The following LMX1A variants were observed in gnomAD, a reference collection of about 807,000 sequenced individuals.
LMX1A encodes the protein LIM homeobox transcription factor 1 alpha, also known as LIM homeobox transcription factor 1-alpha.
LMX1A carries 15 observed loss-of-function variants against 49.1 expected under a neutral mutation model. That is an observed-to-expected ratio of 0.31 (90% confidence interval 0.20 to 0.47). LMX1A has a LOEUF of 0.47. Ranked by LOEUF, LMX1A falls within the 20% of genes least tolerant of loss-of-function variation. The pLI is 1.00. For synonymous variants in LMX1A, 167 were observed against 185.7 expected (o/e 0.90, Z 0.82); for missense variants, 372 against 475.8 (o/e 0.78, Z 2.03).
chr1:165,240,929 T>C (rs1032257464), intron 4 of LMX1A, among the ~76,000 whole-genome samples: 2 of 152,188 alleles, frequency 1.3e-5, no homozygotes, highest in Non-Finnish European at 2.9e-5. Flanking sequence ...TTAAAATAGC[T>C]CAAATAATGA....
chr1:165,247,045 C>G (rs1652873352), intron 4 of LMX1A, among the ~76,000 whole-genome samples: 1 of 38,010 alleles, frequency 2.6e-5, no homozygotes, highest in Non-Finnish European at 4.8e-5. Flanking sequence ...TAGATCAGAT[C>G]AGCTTTTTCT....
chr1:165,301,484 C>T lies in LMX1A; in HGVS notation c.263+51592G>A, dbSNP rs554022268. 2.0e-5 allele frequency among the ~76,000 whole-genome samples: 3 copies of T among 152,316 alleles called. No individual in the cohort carries two copies. In the South Asian group the frequency reaches 6.2e-4, roughly 32 times the overall value. ...ACAGAGGACAAGGAGCTGGGAAATG[C>T]ACTGCATCATACCAAGCTAACATTC... is the stretch of plus-strand genomic sequence containing the variant. On this transcript the variant is annotated intron_variant, in intron 3 of 8. Transcript: ENST00000342310.
chr1:165,316,904 C>T (rs906267), intron 3 of LMX1A, among the ~76,000 whole-genome samples: 139,132 of 152,216 alleles, frequency 0.91, 63,642 homozygotes, highest in Middle Eastern at 0.95. Flanking sequence ...CTTCCCTTCC[C>T]TTTGAGACAT....
chr1:165,270,773 A>G (rs1345324046), intron 3 of LMX1A, among the ~76,000 whole-genome samples: 2 of 152,184 alleles, frequency 1.3e-5, no homozygotes, highest in Admixed American at 6.5e-5. Flanking sequence ...ACACTGTGGG[A>G]AGAATATTCT....
intron 4 of LMX1A, among the ~76,000 whole-genome samples, chr1:165,229,963 T>G (rs1008976590): frequency 6.6e-6 from 1 of 152,224 alleles, no homozygotes; most frequent in Admixed American, 6.5e-5. Flanking sequence ...TGTGATTGTT[T>G]TAAAAGGTTA....
At chr1:165,222,328 TC>T (rs1313128717) in intron 4 of LMX1A, among the ~76,000 whole-genome samples, 1 of 152,210 alleles carries the variant, frequency 6.6e-6, no homozygotes, top group African/African-American at 2.4e-5. Context: ...TCCCTATGGT[TC>T]ACTAGGCTTG....
intron 3 of LMX1A, among the ~76,000 whole-genome samples, chr1:165,286,893 G>A (rs1654317469): frequency 6.6e-6 from 1 of 152,158 alleles, no homozygotes. Flanking sequence ...TACCCTATAA[G>A]TGAAGTTTGG....
chr1:165,303,523 G>A (rs556166238), intron 3 of LMX1A, among the ~76,000 whole-genome samples: 1 of 152,338 alleles, frequency 6.6e-6, no homozygotes, highest in East Asian at 1.9e-4. Flanking sequence ...TGGAAGAGTG[G>A]CCAAGTAACC....
intron 3 of LMX1A, 47 bp from the exon 4 acceptor site, chr1:165,249,687 G>A: frequency 2.0e-6 from 3 of 1,505,702 alleles, no homozygotes; most frequent in Non-Finnish European, 2.7e-6. Context: ...GTAAAATCTG[G>A]CTTGGTCCTG....
chr1:165,247,702 A>G (rs1429777961), intron 4 of LMX1A, among the ~76,000 whole-genome samples: 2 of 152,240 alleles, frequency 1.3e-5, no homozygotes, highest in Non-Finnish European at 2.9e-5. Flanking sequence ...TTAAGCACCC[A>G]CATTTATTGA....
At chr1:165,272,990 C>T (rs975914291) in intron 3 of LMX1A, among the ~76,000 whole-genome samples, 3 of 152,194 alleles carry the variant, frequency 2.0e-5, no homozygotes, top group African/African-American at 7.2e-5. Context: ...CTGTGCATTG[C>T]CTCCACATTC....
intron 3 of LMX1A, among the ~76,000 whole-genome samples, chr1:165,327,495 G>T (rs1331666782): frequency 6.6e-6 from 1 of 152,252 alleles, no homozygotes; most frequent in African/African-American, 2.4e-5. Context: ...GGGCAGGACT[G>T]CTGCCAAATC....
At chr1:165,263,352 A>G (rs1324551826) in intron 3 of LMX1A, among the ~76,000 whole-genome samples, 3 of 152,278 alleles carry the variant, frequency 2.0e-5, no homozygotes, top group Admixed American at 6.5e-5. Context: ...TCTGGCTCCA[A>G]TCTGCTCCAA....
chr1:165,267,799 TGGCA>T (rs1653673616), intron 3 of LMX1A, among the ~76,000 whole-genome samples: 2 of 152,262 alleles, frequency 1.3e-5, no homozygotes, highest in Admixed American at 1.3e-4. Flanking sequence ...GACTGAGCAC[TGGCA>T]GTGGAATTCA....
At chr1:165,320,843 T>C (rs1217501261) in intron 3 of LMX1A, among the ~76,000 whole-genome samples, 1 of 152,180 alleles carries the variant, frequency 6.6e-6, no homozygotes, top group Non-Finnish European at 1.5e-5. Flanking sequence ...ATAAGTCAGA[T>C]ACATTGTAAG....
chr1:165,318,215 T>TA (rs1253776138), intron 3 of LMX1A, among the ~76,000 whole-genome samples: 3 of 152,244 alleles, frequency 2.0e-5, no homozygotes, highest in African/African-American at 7.2e-5. Context: ...AATAACACCA[T>TA]AAAAATCATG....
At chr1:165,217,360 A>G (rs537124527) in intron 4 of LMX1A, among the ~76,000 whole-genome samples, 10 of 152,264 alleles carry the variant, frequency 6.6e-5, no homozygotes, top group African/African-American at 2.4e-4. Flanking sequence ...CCCCCAAAGA[A>G]CTGCTGTGCC....
intron 4 of LMX1A, among the ~76,000 whole-genome samples, chr1:165,216,609 T>G (rs1284598148): frequency 6.6e-6 from 1 of 152,216 alleles, no homozygotes; most frequent in Admixed American, 6.5e-5. Flanking sequence ...AGTTGTATTA[T>G]CTCCAGAAAC....
At chr1:165,261,023 T>G (rs970092627) in intron 3 of LMX1A, among the ~76,000 whole-genome samples, 24 of 152,150 alleles carry the variant, frequency 1.6e-4, no homozygotes, top group African/African-American at 5.1e-4. Flanking sequence ...AGGGCAAAAC[T>G]GGCATAACAG....
Sources: allele counts gnomAD v4.1 joint callset (sites outside exome capture counted in the v4.1 genomes callset), GRCh38; gene constraint gnomAD v4.1.1; transcripts MANE v1.5; gene names NCBI Gene and HGNC (gene_info 2026-07-23, HGNC 2026-07-21).